Variants in JARID2 observed in about 807,000 individuals in gnomAD.
The protein encoded by JARID2 is jumonji and AT-rich interaction domain containing 2.
Under a neutral mutation model 125.6 loss-of-function variants are expected in JARID2, and 21 were observed. The ratio of observed to expected loss-of-function variants is 0.17; its 90% confidence interval spans 0.12 to 0.24. The LOEUF is 0.24. Among genes scored for constraint, JARID2 ranks in the 10% least tolerant of loss-of-function variants. The probability of loss-of-function intolerance (pLI) is 1.00; values close to 1 mark genes in which losing one functional copy is unlikely to be tolerated. For missense variants in JARID2, 1,303 were observed against 1,639.6 expected, an observed-to-expected ratio of 0.79 and a Z score of 3.55; for synonymous variants, 736 against 661.6, an observed-to-expected ratio of 1.11 and a Z score of -1.73.
rs1047958059 is a variant in JARID2 at position 15,497,122 on chromosome 6, A to C, written c.1897A>C (p.Lys633Gln). 7 of 1,562,352 alleles carry C rather than the reference A, an allele frequency of 4.5e-6. No homozygotes were observed. Among genetic ancestry groups the C allele is most frequent in the Non-Finnish European group, 6.1e-6 (7 of 1,153,644 alleles). The change falls in exon 7 of 18, where the codon AAG (lysine) becomes CAG (glutamine). Residue 633 changes from lysine to glutamine, a missense_variant. Lys to Gln is a moderately conservative substitution (Grantham distance 53, BLOSUM62 1). Around this residue, in one of 11 missense-constraint regions of JARID2, gnomAD observed 64 missense variants for 166.8 expected, o/e 0.38. Coordinates refer to ENST00000341776, the MANE Select transcript of JARID2 (RefSeq NM_004973.4). ...PNVQRLACIK[K>Q]HLKSQGITMD... ...CGTGCAGCGGCTGGCCTGCATCAAGAAGCACCTCAAATCTCAGGGCATCAC... is the reference window on the plus strand; with the variant it reads ...CGTGCAGCGGCTGGCCTGCATCAAGCAGCACCTCAAATCTCAGGGCATCAC...
chr6:15,405,965 C>A (rs1285159285), intron 2 of JARID2, among the ~76,000 whole-genome samples: 1 of 152,050 alleles, frequency 6.6e-6, no homozygotes, highest in East Asian at 1.9e-4. Flanking sequence ...GATTGGTCGC[C>A]AGCGGGGGGG....
intron 4 of JARID2, among the ~76,000 whole-genome samples, chr6:15,465,847 A>C (rs1768705720): frequency 6.6e-6 from 1 of 151,714 alleles, no homozygotes; most frequent in Non-Finnish European, 1.5e-5. Context: ...TCTGTCGCCC[A>C]GCCTGGAGTG....
At chr6:15,393,414 A>G (rs1581497360) in intron 2 of JARID2, among the ~76,000 whole-genome samples, 1 of 152,234 alleles carries the variant, frequency 6.6e-6, no homozygotes. Flanking sequence ...TGGTAGCTCC[A>G]TCTCATTTCC....
chr6:15,439,403 C>T (rs1258824302), intron 3 of JARID2, among the ~76,000 whole-genome samples: 1 of 152,118 alleles, frequency 6.6e-6, no homozygotes, highest in Admixed American at 6.5e-5. Context: ...TTTTGATCAC[C>T]CTTCCCTCTG....
intron 1 of JARID2, among the ~76,000 whole-genome samples, chr6:15,274,178 C>T (rs1450995419): frequency 6.6e-6 from 1 of 152,196 alleles, no homozygotes; most frequent in Non-Finnish European, 1.5e-5. Flanking sequence ...GATCCTCCTG[C>T]CTTGGCCTCC....
At chr6:15,447,152 C>T (rs932964928) in intron 3 of JARID2, among the ~76,000 whole-genome samples, 13 of 152,294 alleles carry the variant, frequency 8.5e-5, no homozygotes, top group Non-Finnish European at 1.8e-4. Flanking sequence ...CATCTATTCC[C>T]TCACCCCCAC....
intron 1 of JARID2, among the ~76,000 whole-genome samples, chr6:15,334,333 C>CT (rs947383332): frequency 2.0e-5 from 3 of 151,372 alleles, no homozygotes; most frequent in Admixed American, 2.0e-4. Context: ...GAACATGAGC[C>CT]CTAGAGTTAC....
At chr6:15,302,891 T>C (rs1315778151) in intron 1 of JARID2, among the ~76,000 whole-genome samples, 1 of 152,040 alleles carries the variant, frequency 6.6e-6, no homozygotes, top group Non-Finnish European at 1.5e-5. Flanking sequence ...CCTGCCACCA[T>C]GCCCAGCTAA....
At chr6:15,433,229 C>T (rs542772977) in intron 3 of JARID2, among the ~76,000 whole-genome samples, 20 of 152,118 alleles carry the variant, frequency 1.3e-4, no homozygotes, top group Admixed American at 2.6e-4. Context: ...GCCAGGTAGC[C>T]CCATTTCCTT....
At chr6:15,262,632 T>C (rs1759926947) in intron 1 of JARID2, among the ~76,000 whole-genome samples, 1 of 149,150 alleles carries the variant, frequency 6.7e-6, no homozygotes, top group South Asian at 2.2e-4. Context: ...TCCGGGTCCC[T>C]GTTCAAGCAA....
intron 2 of JARID2, among the ~76,000 whole-genome samples, chr6:15,387,885 C>T (rs894774928): frequency 3.9e-5 from 6 of 152,118 alleles, no homozygotes; most frequent in Admixed American, 3.3e-4. Flanking sequence ...CTTCTGAGGT[C>T]GAGGGAATCC....
At position 15,496,603 on chromosome 6, in the gene JARID2, A is replaced by G. The variant is rs1770444655; in HGVS notation, c.1378A>G (p.Met460Val). ...AEKPQSPPKK[M>V]KGAAGPAEGP... is the part of the protein sequence containing the mutation. Reference sequence around the variant, plus strand: ...GAAGCCGCAGTCGCCCCCCAAGAAGATGAAAGGGGCGGCTGGCCCCGCCGA... The same window carrying G: ...GAAGCCGCAGTCGCCCCCCAAGAAGGTGAAAGGGGCGGCTGGCCCCGCCGA... Residue 460 changes from methionine to valine, a missense_variant, in exon 7 of 18, where the codon ATG becomes GTG. Met to Val is a conservative substitution (Grantham distance 21). Coordinates refer to ENST00000341776, the MANE Select transcript of JARID2 (RefSeq NM_004973.4). The G allele has an allele frequency of 1.2e-6, 2 of 1,603,860 alleles. No individual in the cohort carries two copies. Among genetic ancestry groups the G allele is most frequent in the Non-Finnish European group, 1.7e-6 (2 of 1,176,628 alleles).
intron 1 of JARID2, among the ~76,000 whole-genome samples, chr6:15,360,430 G>T (rs763631978): frequency 6.6e-6 from 1 of 151,948 alleles, no homozygotes; most frequent in Admixed American, 6.6e-5. Context: ...TGATCTGCCC[G>T]CCTCGGCCTC....
chr6:15,479,543 G>A (rs1275051764), intron 5 of JARID2, among the ~76,000 whole-genome samples: 1 of 152,214 alleles, frequency 6.6e-6, no homozygotes, highest in Non-Finnish European at 1.5e-5. Context: ...CTATAGAAAA[G>A]GAAGAAGATG....
In JARID2 at chr6:15,451,330, C is replaced by T. The variant is rs114345210; in HGVS notation, c.324-676C>T. Among the ~76,000 whole-genome samples the T allele has an allele frequency of 5.3e-3, 808 of 152,278 alleles. 10 individuals are homozygous for T. Among genetic ancestry groups the T allele is most frequent in the African/African-American group, 0.019 (788 of 41,548 alleles). ...AAGAAGCCTGAAGAGTAGATTAGGG[C>T]TATTTTCTGTTTTAATGTCTACCAA... On this transcript the variant is annotated intron_variant, in intron 3 of 17. Transcript: ENST00000341776.
At chr6:15,366,337 A>T (rs1012726903) in intron 1 of JARID2, among the ~76,000 whole-genome samples, 1 of 151,732 alleles carries the variant, frequency 6.6e-6, no homozygotes, top group Admixed American at 6.6e-5. Flanking sequence ...TTCATTTGCT[A>T]TTCAGCTCTG....
intron 5 of JARID2, among the ~76,000 whole-genome samples, chr6:15,483,072 C>G (rs535678485): frequency 7.4e-4 from 112 of 152,260 alleles, no homozygotes; most frequent in Admixed American, 3.5e-3. Flanking sequence ...CTTGAATAGA[C>G]AGGCTTGCTT....
At chr6:15,365,998 A>T (rs371318009) in intron 1 of JARID2, among the ~76,000 whole-genome samples, 3 of 152,124 alleles carry the variant, frequency 2.0e-5, no homozygotes, top group Admixed American at 2.0e-4. Context: ...GTTATTTTAG[A>T]CAAAGTTGAA....
chr6:15,510,443 T>A (rs1203679403), intron 12 of JARID2, among the ~76,000 whole-genome samples: 1 of 152,040 alleles, frequency 6.6e-6, no homozygotes, highest in Non-Finnish European at 1.5e-5. Flanking sequence ...GGGCAAAACC[T>A]CCTCCCCTCC....
Sources: gnomAD v4.1 joint callset for allele counts (sites outside exome capture counted in the v4.1 genomes callset) on GRCh38, gnomAD v4.1.1 for gene constraint, gnomAD v4.1.1 regional missense constraint, MANE v1.5 for transcripts, NCBI Gene and HGNC (gene_info 2026-07-23, HGNC 2026-07-21) for gene names.